The following UBR4 variants were observed in gnomAD, a reference collection of about 807,000 sequenced individuals.
UBR4 encodes E3 ubiquitin-protein ligase UBR4.
UBR4 carries 124 observed loss-of-function variants against 575.6 expected under a neutral mutation model. The ratio of observed to expected loss-of-function variants is 0.22; its 90% CI spans 0.19 to 0.25. UBR4 has a LOEUF of 0.25. UBR4 is among the 10% of genes least tolerant of loss of function. The pLI, the probability that UBR4 is intolerant of heterozygous loss-of-function variation, is 1.00. For missense variants in UBR4, 4,818 were observed against 6,478.8 expected, an observed-to-expected ratio of 0.74 and a Z score of 8.80; for synonymous variants, 2,455 against 2,473.7, an observed-to-expected ratio of 0.99 and a Z score of 0.22.
At position 19,155,683 on chromosome 1, in the gene UBR4, A is replaced by T. The variant is rs1252538551; in HGVS notation, c.6073-15T>A. On this transcript the variant is annotated splice_polypyrimidine_tract_variant and intron_variant, in intron 42 of 105. Transcript: ENST00000375254. The stretch of plus-strand genomic sequence containing the variant: ...AGGTCATAAATCTGCAGGATGGAAG[A>T]AAAATTAAATAAGGGAAATCTATCT... 1 of 1,605,374 alleles carries T rather than the reference A, an allele frequency of 6.2e-7. No homozygotes were observed. Among genetic ancestry groups the T allele is most frequent in the Non-Finnish European group, 8.5e-7 (1 of 1,172,298 alleles).
intron 1 of UBR4, among the ~76,000 whole-genome samples, chr1:19,202,213 A>G (rs1214552931): frequency 6.6e-6 from 1 of 152,120 alleles, no homozygotes; most frequent in Admixed American, 6.5e-5. Context: ...TGGGAAGGTG[A>G]AGCTTAGAGA....
rs1010587233 is a variant in UBR4, at chr1:19,174,331, A to G, written c.2970T>C (p.Asn990=). The G allele has an allele frequency of 3.1e-6, 5 of 1,613,206 alleles. No individual in the cohort carries two copies. Among genetic ancestry groups the G allele is most frequent in the South Asian group, 1.1e-5 (1 of 90,974 alleles). Residue 990 remains asparagine, a synonymous_variant, in exon 22 of 106, where the codon AAT becomes AAC. Transcript: ENST00000375254. ...TCCATGGTCTTACCAAGGCTGTTAC[A>G]TTCTTGTTTTCCTTTCTCCTAACTG... is the stretch of plus-strand genomic sequence containing the variant. ...LDTVRRKENK[N]VTALEACALQ... is the part of the protein sequence containing the mutation.
At chr1:19,108,109 T>C (rs147322011) in intron 81 of UBR4, among the ~76,000 whole-genome samples, 134 of 152,336 alleles carry the variant, frequency 8.8e-4, no homozygotes, top group Non-Finnish European at 1.5e-3. Flanking sequence ...CAACTAGTTG[T>C]GGATTTTTTT....
chr1:19,188,724 T>C (rs757415394), intron 11 of UBR4, among the ~76,000 whole-genome samples: 5 of 152,154 alleles, frequency 3.3e-5, no homozygotes, highest in Non-Finnish European at 7.3e-5. Flanking sequence ...TCCCAGCACT[T>C]TGGGAGGCCA....
chr1:19,140,939 T>C lies in UBR4; in HGVS notation c.8489-47A>G, dbSNP rs1412719333. The stretch of plus-strand genomic sequence containing the variant: ...AGCACAACATCCCCTCCAGGTCCCA[T>C]CCACAGCGCTGCTTTGGCCACCTGC... On this transcript the variant is annotated intron_variant, in intron 57 of 105. Transcript: ENST00000375254. 7 of 1,548,814 alleles carry C rather than the reference T, an allele frequency of 4.5e-6. No individual in the cohort carries two copies. The East Asian group carries it at 9.4e-5, about 21-fold the overall frequency.
At chr1:19,083,896 C>G (rs1220135501) in intron 102 of UBR4, among the ~76,000 whole-genome samples, 9 of 152,248 alleles carry the variant, frequency 5.9e-5, no homozygotes, top group African/African-American at 2.4e-5. Flanking sequence ...AACTACCAAT[C>G]TCTTTTTTTT....
Position 19,104,122 on chromosome 1 carries a change from T to G in UBR4, c.12863A>C (p.Gln4288Pro). ...CTCCAGCATCTCCAGCAGCATGTCCTGCGTCTCATCGATCAGCTTGGTCCT... is the reference window on the plus strand; with the variant it reads ...CTCCAGCATCTCCAGCAGCATGTCCGGCGTCTCATCGATCAGCTTGGTCCT... ...VQRTKLIDET[Q>P]DMLLEMLEDM... Residue 4288 changes from glutamine (Q) to proline (P), a missense_variant, in exon 87 of 106, where the codon CAG (glutamine) becomes CCG (proline). Gln to Pro is a moderately conservative substitution (Grantham distance 76, BLOSUM62 -1). This residue lies in a region of UBR4 where 105 missense variants were observed against 232.8 expected (regional missense o/e 0.45). Coordinates refer to ENST00000375254, the MANE Select transcript of UBR4 (RefSeq NM_020765.3). The G allele has an allele frequency of 6.2e-7, 1 of 1,614,244 alleles. No individual in the cohort carries two copies. Among genetic ancestry groups the G allele is most frequent in the Non-Finnish European group, 8.5e-7 (1 of 1,180,028 alleles).
Position 19,187,268 on chromosome 1 carries a change from T to C in UBR4, c.1528A>G (p.Ser510Gly). 6.2e-7 allele frequency: 1 copy of C among 1,613,872 alleles called. No homozygotes were observed. The highest frequency in any genetic ancestry group is 1.1e-5 in the South Asian group (1 of 91,064). The change falls in exon 13 of 106, where the codon AGC (serine) becomes GGC (glycine). Residue 510 changes from serine (S) to glycine (G), a missense_variant. By Grantham distance (56) the Ser-to-Gly change is moderately conservative (BLOSUM62 0). Coordinates refer to ENST00000375254, the MANE Select transcript of UBR4 (RefSeq NM_020765.3). ...WETDGPPAAL[S>G]IMAQSTSIQR... ...ATGGAGGTGCTCTGGGCCATAATGC[T>C]CAAGGCTGCAGGGGGGCCATCTGTC...
At position 19,114,866 on chromosome 1, in the gene UBR4, T is replaced by A; in HGVS notation, c.11147A>T (p.Tyr3716Phe). ...CKYARFDFML[Y>F]AKPCCAVDPI... ...ATCCACTGCACAGCAAGGCTTGGCA[T>A]AGAGCATGAAGTCGAAGCGGGCATA... is the stretch of plus-strand genomic sequence containing the variant. The change falls in exon 75 of 106, where the codon TAT becomes TTT. Residue 3716 changes from tyrosine to phenylalanine, a missense_variant. Tyr to Phe is a conservative substitution (Grantham distance 22). Around this residue, in one of 29 missense-constraint regions of UBR4, gnomAD observed 333 missense variants for 459.2 expected, o/e 0.73. Transcript: ENST00000375254. 1 of 1,614,164 alleles carries A rather than the reference T, an allele frequency of 6.2e-7. No homozygotes were observed. The highest frequency in any genetic ancestry group is 8.5e-7 in the Non-Finnish European group (1 of 1,180,036).
At chr1:19,179,519 G>A (rs1406592701) in intron 17 of UBR4, among the ~76,000 whole-genome samples, 2 of 152,188 alleles carry the variant, frequency 1.3e-5, no homozygotes, top group Non-Finnish European at 2.9e-5. Flanking sequence ...GGATAATTTT[G>A]TAAATGGACA....
intron 11 of UBR4, 102 bp downstream of exon 11, chr1:19,192,086 A>C: frequency 7.4e-7 from 1 of 1,352,424 alleles, no homozygotes; most frequent in African/African-American, 1.5e-5. Context: ...CCAGGTAGGA[A>C]GGCAAATTTT....
At chr1:19,128,957 T>G (rs920827918) in intron 61 of UBR4, 21 bp downstream of exon 61, 2 of 1,604,104 alleles carry the variant, frequency 1.2e-6, no homozygotes, top group Non-Finnish European at 1.7e-6. Context: ...CTGACAGAGA[T>G]CCAGGTGAGC....
intron 97 of UBR4, among the ~76,000 whole-genome samples, chr1:19,090,285 C>T (rs16862520): frequency 0.011 from 1,640 of 152,302 alleles, 27 homozygotes; most frequent in East Asian, 0.066. Context: ...ACTTCAATTA[C>T]GATAAAAGCC....
rs923088116 is a variant in UBR4, at chr1:19,163,930, T to C, written c.4701-103A>G. On this transcript the variant is annotated intron_variant, in intron 33 of 105. Coordinates refer to ENST00000375254, the MANE Select transcript of UBR4 (RefSeq NM_020765.3). The stretch of plus-strand genomic sequence containing the variant: ...TAACTTTGAATCAATCTGAGGACAC[T>C]GTGAAGCAGAAGCATTCTTAGAAAA... 216 of 1,256,074 alleles carry C rather than the reference T, an allele frequency of 1.7e-4. 1 individual carries two copies. In the East Asian group the frequency reaches 5.0e-3, roughly 29 times the overall value. 77.8% of individuals were successfully genotyped at this position (1,256,074 alleles called of 1,614,324 possible).
intron 52 of UBR4, chr1:19,146,153 G>T (rs752975950): frequency 1.0e-5 from 15 of 1,466,324 alleles, no homozygotes; most frequent in Non-Finnish European, 1.4e-5. Context: ...GAATTAAGTA[G>T]AACGGGGAGC....
In UBR4 at chr1:19,110,812, T is replaced by C. The variant is rs758144574; in HGVS notation, c.11822A>G (p.Gln3941Arg). The change falls in exon 79 of 106, where the codon CAA (glutamine) becomes CGA (arginine). Residue 3941 changes from glutamine (Q) to arginine (R), a missense_variant. By Grantham distance (43) the Gln-to-Arg change is conservative. Coordinates refer to ENST00000375254, the MANE Select transcript of UBR4 (RefSeq NM_020765.3). This position sits in a 1 kb window ranked among gnomAD's most constrained non-coding sequence, Gnocchi z 4.5. ...LLTRDNPEATQQMNDLIIGKV... is the reference protein window; with the variant it reads ...LLTRDNPEATRQMNDLIIGKV... ...GCCAATAATCAGGTCATTCATCTGT[T>C]GGGTGGCTTCTGGGTTGTCTCTGCA... 1 of 1,614,164 alleles carries C rather than the reference T, an allele frequency of 6.2e-7. No individual in the cohort carries two copies. Among genetic ancestry groups the C allele is most frequent in the Non-Finnish European group, 8.5e-7 (1 of 1,180,008 alleles).
chr1:19,150,155 G>C (rs2296107), intron 49 of UBR4, among the ~76,000 whole-genome samples: 40,874 of 152,122 alleles, frequency 0.27, 6,474 homozygotes, highest in East Asian at 0.61. Context: ...CTCTCTTGCT[G>C]GCAATGTTAT....
At chr1:19,090,104 A>T (rs1557524003) in intron 97 of UBR4, among the ~76,000 whole-genome samples, 1 of 152,332 alleles carries the variant, frequency 6.6e-6, no homozygotes, top group East Asian at 1.9e-4. Context: ...TCTCCATCTC[A>T]GTGGCACCAC....
At chr1:19,111,026 C>T (rs1159039655) in intron 78 of UBR4, among the ~76,000 whole-genome samples, 194 bp from the exon 79 acceptor site, 3 of 152,190 alleles carry the variant, frequency 2.0e-5, no homozygotes, top group African/African-American at 7.2e-5. Flanking sequence ...GGGCCCATTA[C>T]AGCCGCCTTG....
Sources: allele counts gnomAD v4.1 joint callset (sites outside exome capture counted in the v4.1 genomes callset), GRCh38; gene constraint gnomAD v4.1.1; regional missense constraint gnomAD v4.1.1; non-coding constraint Gnocchi (gnomAD v3.1); transcripts MANE v1.5; gene names NCBI Gene and HGNC (gene_info 2026-07-23, HGNC 2026-07-21).